The following PSD4 variants were observed in gnomAD, a reference collection of about 807,000 sequenced individuals.
The protein encoded by PSD4 is pleckstrin and Sec7 domain containing 4, also known as PH and SEC7 domain-containing protein 4.
In PSD4, 59 loss-of-function variants were observed where a neutral mutation model predicts 112.5. The ratio of observed to expected loss-of-function variants is 0.52; its 90% CI spans 0.43 to 0.65. The LOEUF (loss-of-function observed/expected upper bound fraction) is 0.65, where lower values mean the gene tolerates loss of function less well. Among genes scored for constraint, PSD4 ranks in the 30% least tolerant of loss-of-function variants. The pLI is 0.00. For missense variants in PSD4, 1,267 were observed against 1,352.6 expected, an observed-to-expected ratio of 0.94 and a Z score of 0.99; for synonymous variants, 533 against 540.0, an observed-to-expected ratio of 0.99 and a Z score of 0.18.
intron 9 of PSD4, 39 bp from the exon 10 acceptor site, chr2:113,193,820 G>C (rs943043005): frequency 1.3e-6 from 2 of 1,594,256 alleles, no homozygotes; most frequent in African/African-American, 2.7e-5. Context: ...ATTGGGATGG[G>C]GTGTGTGCTC....
chr2:113,180,140 C>G (rs559490118), intron 1 of PSD4, among the ~76,000 whole-genome samples: 19 of 152,310 alleles, frequency 1.2e-4, no homozygotes, highest in African/African-American at 3.6e-4. Flanking sequence ...CCTTGAATAA[C>G]AGCTGGACCC....
rs1483430075 is a variant in PSD4, at chr2:113,193,098, T to G, written c.1889T>G (p.Phe630Cys). Reference sequence around the variant, plus strand: ...GAGGAGTACCTGTCCTTCTTCCAGTTTGGAGGCCAGAGTCTGGACCGAGCC... The same window carrying G: ...GAGGAGTACCTGTCCTTCTTCCAGTGTGGAGGCCAGAGTCTGGACCGAGCC... Reference protein sequence around the residue: ...VAEEYLSFFQFGGQSLDRALR... With the variant: ...VAEEYLSFFQCGGQSLDRALR... Residue 630 changes from phenylalanine (F) to cysteine (C), a missense_variant, in exon 7 of 17, where the codon TTT becomes TGT. Phe to Cys is a radical substitution (Grantham distance 205). This residue lies in a region of PSD4 where 544 missense variants were observed against 648.6 expected (regional missense o/e 0.84). Transcript: ENST00000245796. The G allele has an allele frequency of 2.5e-6, 4 of 1,614,078 alleles. No individual in the cohort carries two copies. The highest frequency in any genetic ancestry group is 3.4e-6 in the Non-Finnish European group (4 of 1,180,002).
chr2:113,189,366 T>TATATATATATATATATATATATATATAC (rs1553475554), intron 5 of PSD4, among the ~76,000 whole-genome samples: 2 of 150,310 alleles, frequency 1.3e-5, no homozygotes, highest in African/African-American at 4.9e-5. Context: ...TATATATATA[T>TATATATATATATATATATATATATATAC]ACACACACAC....
Position 113,179,724 on chromosome 2 carries a change from C to A in PSD4, c.-111-2622C>A, listed in dbSNP as rs752782861. ...GATGGAGCCACTCTGGTTCAAACAT[C>A]TCTGATGAGACCAAATCTGGTCCAT... On this transcript the variant is annotated intron_variant, in intron 1 of 16. Coordinates refer to ENST00000245796, the MANE Select transcript of PSD4 (RefSeq NM_012455.3). Among the ~76,000 whole-genome samples, 3 of 152,182 alleles carry A rather than the reference C, an allele frequency of 2.0e-5. No homozygotes were observed. The East Asian group carries it at 5.8e-4, about 29-fold the overall frequency.
intron 1 of PSD4, among the ~76,000 whole-genome samples, chr2:113,177,741 A>G (rs1414047145): frequency 1.3e-5 from 2 of 152,224 alleles, no homozygotes; most frequent in African/African-American, 4.8e-5. Context: ...TATGCCATTC[A>G]ATATTTTCAT....
intron 5 of PSD4, among the ~76,000 whole-genome samples, chr2:113,187,539 C>G (rs1323230641): frequency 6.6e-6 from 1 of 152,166 alleles, no homozygotes; most frequent in African/African-American, 2.4e-5. Context: ...GAGTGGTGAC[C>G]TATGACCCAG....
chr2:113,196,306 G>T lies in PSD4; in HGVS notation c.2385G>T (p.Lys795Asn), dbSNP rs765178433. 1 of 1,611,740 alleles carries T rather than the reference G, an allele frequency of 6.2e-7. No homozygotes were observed. Among genetic ancestry groups the T allele is most frequent in the Non-Finnish European group, 8.5e-7 (1 of 1,178,284 alleles). The change falls in exon 12 of 17, where the codon AAG (lysine) becomes AAT (asparagine). Residue 795 changes from lysine to asparagine, a missense_variant and splice_region_variant. Coordinates refer to ENST00000245796, the MANE Select transcript of PSD4 (RefSeq NM_012455.3). ...TGCATCAAGATGCAGACGGCAAGAAGAGTGAGTGTCTGCTGCCCACAAACA... is the reference window on the plus strand; with the variant it reads ...TGCATCAAGATGCAGACGGCAAGAATAGTGAGTGTCTGCTGCCCACAAACA... ...RKMHQDADGK[K>N]TPWGKRGWKM... is the part of the protein sequence containing the mutation.
Position 113,182,355 on chromosome 2 carries a change from G to A in PSD4, c.-102G>A, listed in dbSNP as rs1487579547. ...CTTTGGGCATTTCCAGGGTAGATAT[G>A]GATTCCCAGTTTCTCCAGCGGCCAG... On this transcript the variant is annotated 5_prime_UTR_variant, in exon 2 of 17. The change abolishes an upstream ATG in the 5' untranslated region. Transcript: ENST00000245796. 8.6e-7 allele frequency: 1 copy of A among 1,166,596 alleles called. No homozygotes were observed. The allele number at this position is 1,166,596 out of a possible 1,614,324, so 72.3% of individuals were successfully genotyped here. A position where few individuals can be genotyped will look rare whatever the true frequency, so the allele number is the denominator to read the frequency against.
chr2:113,180,738 T>A (rs1002139214), intron 1 of PSD4, among the ~76,000 whole-genome samples: 24 of 152,164 alleles, frequency 1.6e-4, no homozygotes, highest in African/African-American at 5.6e-4. Flanking sequence ...CAGGCATGGT[T>A]AACTGCATGT....
At chr2:113,185,616 G>A (rs763803860) in intron 4 of PSD4, 176 bp downstream of exon 4, 26 of 1,549,122 alleles carry the variant, frequency 1.7e-5, no homozygotes, top group East Asian at 2.4e-5. Context: ...TGAAGGAAAC[G>A]TACAAAAGGA....
intron 1 of PSD4, among the ~76,000 whole-genome samples, chr2:113,179,648 G>A (rs984858419): frequency 6.6e-6 from 1 of 152,164 alleles, no homozygotes; most frequent in African/African-American, 2.4e-5. Context: ...CTAGCTTCCC[G>A]GGAATGCAGC....
At chr2:113,196,495 T>A in intron 12 of PSD4, 188 bp downstream of exon 12, 1 of 694,662 alleles carries the variant, frequency 1.4e-6, no homozygotes, top group African/African-American at 1.8e-5. Flanking sequence ...CACTAGAGGG[T>A]AGGTAGGAGA....
intron 16 of PSD4, among the ~76,000 whole-genome samples, chr2:113,199,865 G>A (rs1428109591): frequency 2.6e-5 from 4 of 152,080 alleles, no homozygotes; most frequent in African/African-American, 4.8e-5. Context: ...TCGCTCTGTC[G>A]CCCAGGCTGG....
Position 113,186,270 on chromosome 2 carries a change from A to G in PSD4, c.1628+15A>G. 1 of 1,550,084 alleles carries G rather than the reference A, an allele frequency of 6.5e-7. No homozygotes were observed. The highest frequency in any genetic ancestry group is 8.7e-7 in the Non-Finnish European group (1 of 1,147,610). ...TCTGCAGAACAGTAAGTCTCAGACT[A>G]ACTGGCTCTCATGCTCCTAATTATG... is the stretch of plus-strand genomic sequence containing the variant. On this transcript the variant is annotated intron_variant, in intron 5 of 16. Transcript: ENST00000245796.
chr2:113,175,731 C>T (rs1687956787), intron 1 of PSD4, among the ~76,000 whole-genome samples: 1 of 152,174 alleles, frequency 6.6e-6, no homozygotes, highest in South Asian at 2.1e-4. Flanking sequence ...GATGAAGGTT[C>T]AGGGCTGACT....
intron 9 of PSD4, 31 bp from the exon 10 acceptor site, chr2:113,193,828 C>T (rs748810476): frequency 6.2e-7 from 1 of 1,606,050 alleles, no homozygotes. Context: ...GGGGTGTGTG[C>T]TCGAGTCATC....
rs751483926 is a variant in PSD4 at position 113,185,958 on chromosome 2, C to T, written c.1331C>T (p.Pro444Leu). 4 of 1,613,938 alleles carry T rather than the reference C, an allele frequency of 2.5e-6. No homozygotes were observed. Among genetic ancestry groups the T allele is most frequent in the Non-Finnish European group, 3.4e-6 (4 of 1,179,926 alleles). Residue 444 changes from proline to leucine, a missense_variant, in exon 5 of 17, where the codon CCA becomes CTA. This residue lies in a region of PSD4 where 723 missense variants were observed against 704.0 expected (regional missense o/e 1.03). Transcript: ENST00000245796. ...PCPWRSPASS[P>L]EPSSPESESR... is the part of the protein sequence containing the mutation. Reference sequence around the variant, plus strand: ...CCCTGGAGGAGCCCAGCTTCTTCTCCAGAGCCTAGCAGCCCAGAATCTGAG... The same window carrying T: ...CCCTGGAGGAGCCCAGCTTCTTCTCTAGAGCCTAGCAGCCCAGAATCTGAG...
chr2:113,183,507 A>G lies in PSD4; in HGVS notation c.1051A>G (p.Ser351Gly). 1 of 1,570,828 alleles carries G rather than the reference A, an allele frequency of 6.4e-7. No homozygotes were observed. Among genetic ancestry groups the G allele is most frequent in the Non-Finnish European group, 8.6e-7 (1 of 1,161,712 alleles). ...TGCAGCACCTCCTGGTCACGGGGAG[A>G]GTGAGGTAAGCCCAGTCTTGGGAAC... ...APAAPPGHGESEGDRLGPAPS... is the reference protein window; with the variant it reads ...APAAPPGHGEGEGDRLGPAPS... Residue 351 changes from serine (S) to glycine (G), a missense_variant, in exon 2 of 17, where the codon AGT becomes GGT. Ser to Gly is a moderately conservative substitution (Grantham distance 56). This residue lies in a region of PSD4 where 723 missense variants were observed against 704.0 expected (regional missense o/e 1.03). Coordinates refer to ENST00000245796, the MANE Select transcript of PSD4 (RefSeq NM_012455.3).
At position 113,201,490 on chromosome 2, in the gene PSD4, T is replaced by C. The variant is rs1328776788; in HGVS notation, c.*75T>C. ...GATGAACCTCCCTGGAGGAGACTTATTTCAATGAGTCCACCATGACGGATG... is the reference window on the plus strand; with the variant it reads ...GATGAACCTCCCTGGAGGAGACTTACTTCAATGAGTCCACCATGACGGATG... On this transcript the variant is annotated 3_prime_UTR_variant, in exon 17 of 17. Transcript: ENST00000245796. 3.2e-6 allele frequency: 5 copies of C among 1,555,342 alleles called. No homozygotes were observed. The highest frequency in any genetic ancestry group is 1.7e-5 in the Admixed American group (1 of 57,672).
Sources: gnomAD v4.1 joint callset for allele counts (sites outside exome capture counted in the v4.1 genomes callset) on GRCh38, gnomAD v4.1.1 for gene constraint, gnomAD v4.1.1 regional missense constraint, MANE v1.5 for transcripts, NCBI Gene and HGNC (gene_info 2026-07-23, HGNC 2026-07-21) for gene names.